CHAT: variants seen among roughly 807,000 people sequenced by gnomAD.
CHAT encodes the protein acetyl CoA:choline O-acetyltransferase.
CHAT carries 61 observed loss-of-function variants against 76.9 expected under a neutral mutation model. The ratio of observed to expected loss-of-function variants is 0.79; its 90% CI spans 0.65 to 0.98. The LOEUF (loss-of-function observed/expected upper bound fraction) is 0.98, where lower values mean the gene tolerates loss of function less well. CHAT is among the 50% of genes least tolerant of loss of function. The pLI is 0.00. For missense variants in CHAT, 946 were observed against 986.9 expected (o/e 0.96, Z 0.56); for synonymous variants, 407 against 397.4 (o/e 1.02, Z -0.29).
intron 13 of CHAT, 34 bp downstream of exon 13, chr10:49,655,482 C>T (rs1301709972): frequency 6.2e-7 from 1 of 1,600,484 alleles, no homozygotes; most frequent in African/African-American, 1.3e-5. Context: ...CAACACTGCA[C>T]TTGAGCTGTG....
chr10:49,655,890 C>T (rs1200193132), intron 13 of CHAT, among the ~76,000 whole-genome samples: 1 of 152,076 alleles, frequency 6.6e-6, no homozygotes, highest in African/African-American at 2.4e-5. Context: ...ATTTATACTA[C>T]CTGTGAATAA....
intron 7 of CHAT, among the ~76,000 whole-genome samples, chr10:49,636,239 A>G (rs1330009192): frequency 6.6e-6 from 1 of 152,172 alleles, no homozygotes; most frequent in Non-Finnish European, 1.5e-5. Flanking sequence ...CAATTTTGTC[A>G]AATGTTTTTA....
intron 1 of CHAT, chr10:49,615,980 T>TCC (rs1280409791): frequency 5.8e-6 from 9 of 1,548,534 alleles, no homozygotes; most frequent in Non-Finnish European, 7.1e-6. Flanking sequence ...CTTAAAGGCC[T>TCC]CCATTCACCC....
chr10:49,657,828 T>C (rs992009448), intron 13 of CHAT, among the ~76,000 whole-genome samples: 1 of 152,182 alleles, frequency 6.6e-6, no homozygotes, highest in Non-Finnish European at 1.5e-5. Context: ...TGAAAGAGCC[T>C]AGTCAGCAGA....
In CHAT at chr10:49,620,179, T is replaced by C. The variant is rs572726483; in HGVS notation, c.579+263T>C. On this transcript the variant is annotated intron_variant, in intron 3 of 14. Coordinates refer to ENST00000337653, the MANE Select transcript of CHAT (RefSeq NM_020549.5). Reference sequence around the variant, plus strand: ...AATCGGGGACAGGAATTGGGACAGATGAGGACAGAGATCGCATTAGGAAAG... The same window carrying C: ...AATCGGGGACAGGAATTGGGACAGACGAGGACAGAGATCGCATTAGGAAAG... Among the ~76,000 whole-genome samples, 7 of 151,390 alleles carry C rather than the reference T, an allele frequency of 4.6e-5. No individual in the cohort carries two copies. In the South Asian group the frequency reaches 8.4e-4, roughly 18 times the overall value.
upstream of CHAT, chr10:49,611,464 C>G (rs745662968): frequency 6.3e-7 from 1 of 1,598,940 alleles, no homozygotes; most frequent in Non-Finnish European, 8.5e-7. Flanking sequence ...CGCCGGCAAG[C>G]GCGTGCCCTT....
chr10:49,640,308 T>C (rs1012236358), intron 7 of CHAT, among the ~76,000 whole-genome samples: 1 of 152,180 alleles, frequency 6.6e-6, no homozygotes, highest in African/African-American at 2.4e-5. Context: ...GAATGAGTGA[T>C]TTTCTGTTGA....
chr10:49,642,311 C>T (rs759395590), intron 7 of CHAT, among the ~76,000 whole-genome samples: 1 of 152,242 alleles, frequency 6.6e-6, no homozygotes, highest in Non-Finnish European at 1.5e-5. Flanking sequence ...ATAAACTTGT[C>T]AGCATTTGAC....
At chr10:49,629,269 T>A (rs914543159) in intron 7 of CHAT, among the ~76,000 whole-genome samples, 1 of 152,158 alleles carries the variant, frequency 6.6e-6, no homozygotes, top group Non-Finnish European at 1.5e-5. Context: ...GAAGGGTGAT[T>A]AAAAATGCCA....
At chr10:49,660,052 T>A (rs1383974989) in intron 13 of CHAT, among the ~76,000 whole-genome samples, 1 of 152,196 alleles carries the variant, frequency 6.6e-6, no homozygotes, top group Non-Finnish European at 1.5e-5. Context: ...GTATACATGA[T>A]TATGCTGTAT....
At position 49,649,526 on chromosome 10, in the gene CHAT, G is replaced by C. The variant is rs1305182651; in HGVS notation, c.1401G>C (p.Lys467Asn). The change falls in exon 10 of 15, where the codon AAG becomes AAC. Residue 467 changes from lysine to asparagine, a missense_variant. Physicochemically the swap from Lys to Asn is moderately conservative, Grantham distance 94. Around this residue, in one of 3 missense-constraint regions of CHAT, gnomAD observed 349 missense variants for 393.9 expected, o/e 0.89. Coordinates refer to ENST00000337653, the MANE Select transcript of CHAT (RefSeq NM_020549.5). ...LLKHVTQSSR[K>N]LIRADSVSEL... ...CCCGCAGGACGCAGAGCAGCAGGAAGCTGATCCGAGCAGACTCCGTCAGCG... is the reference window on the plus strand; with the variant it reads ...CCCGCAGGACGCAGAGCAGCAGGAACCTGATCCGAGCAGACTCCGTCAGCG... The C allele has an allele frequency of 1.2e-6, 2 of 1,613,872 alleles. No homozygotes were observed. Among genetic ancestry groups the C allele is most frequent in the Non-Finnish European group, 1.7e-6 (2 of 1,180,042 alleles).
chr10:49,624,597 C>T (rs1452755844), intron 5 of CHAT, among the ~76,000 whole-genome samples: 1 of 152,216 alleles, frequency 6.6e-6, no homozygotes, highest in African/African-American at 2.4e-5. Flanking sequence ...ACTTACACCC[C>T]AGTAGAGCAG....
Position 49,664,820 on chromosome 10 carries a change from T to A in CHAT, c.2021T>A (p.Val674Asp). 1 of 1,614,160 alleles carries A rather than the reference T, an allele frequency of 6.2e-7. No individual in the cohort carries two copies. Among genetic ancestry groups the A allele is most frequent in the African/African-American group, 1.3e-5 (1 of 75,030 alleles). Reference protein sequence around the residue: ...TEMFCCYGPVVPNGYGACYNP... With the variant: ...TEMFCCYGPVDPNGYGACYNP... ...ATGTTCTGCTGCTATGGTCCTGTGG[T>A]CCCAAATGGGTATGGTGCCTGCTAC... The change falls in exon 15 of 15, where the codon GTC becomes GAC. Residue 674 changes from valine (V) to aspartate (D), a missense_variant. By Grantham distance (152) the Val-to-Asp change is radical. Transcript: ENST00000337653.
At chr10:49,622,951 C>G (rs1267613627) in intron 5 of CHAT, among the ~76,000 whole-genome samples, 1 of 152,178 alleles carries the variant, frequency 6.6e-6, no homozygotes, top group Non-Finnish European at 1.5e-5. Context: ...GGCTCAGACC[C>G]ACAGCCCCTT....
chr10:49,638,149 GTCT>G (rs149032325), intron 7 of CHAT, among the ~76,000 whole-genome samples: 4,038 of 152,292 alleles, frequency 0.027, 80 homozygotes, highest in South Asian at 0.059. Context: ...GGGTTGCCAT[GTCT>G]TCTTGGAGGA....
intron 6 of CHAT, among the ~76,000 whole-genome samples, chr10:49,625,878 A>G (rs1428056205): frequency 6.6e-6 from 1 of 151,624 alleles, no homozygotes; most frequent in Non-Finnish European, 1.5e-5. Flanking sequence ...TCCTCACTGG[A>G]CTCTCACTTC....
chr10:49,611,826 T>A, upstream of CHAT: 1 of 1,604,098 alleles, frequency 6.2e-7, no homozygotes, highest in Admixed American at 1.7e-5. Context: ...ACGGCGCGCT[T>A]GGGCTGGCTG....
At chr10:49,663,980 CA>C (rs1840276822) in intron 14 of CHAT, among the ~76,000 whole-genome samples, 1 of 152,206 alleles carries the variant, frequency 6.6e-6, no homozygotes, top group African/African-American at 2.4e-5. Context: ...GTGTCACTTC[CA>C]AAGGCCTCAG....
upstream of CHAT, chr10:49,610,765 C>T: frequency 6.4e-7 from 1 of 1,550,876 alleles, no homozygotes; most frequent in Non-Finnish European, 8.7e-7. Context: ...ACCTGCGGGC[C>T]AGGCCCGGGC....
Sources: gnomAD v4.1 joint callset for allele counts (sites outside exome capture counted in the v4.1 genomes callset) on GRCh38, gnomAD v4.1.1 for gene constraint, gnomAD v4.1.1 regional missense constraint, MANE v1.5 for transcripts, NCBI Gene and HGNC (gene_info 2026-07-23, HGNC 2026-07-21) for gene names.